PLCB4: variants seen among roughly 807,000 people sequenced by gnomAD.
PLCB4 encodes 1-phosphatidylinositol 4,5-bisphosphate phosphodiesterase beta-4.
A neutral mutation model predicts 178.8 loss-of-function variants in PLCB4; 77 were observed. The observed-to-expected ratio is 0.43, with a 90% CI of 0.36 to 0.52. The LOEUF (loss-of-function observed/expected upper bound fraction) is 0.52, where lower values mean the gene tolerates loss of function less well. Among genes scored for constraint, PLCB4 ranks in the 20% least tolerant of loss-of-function variants. The pLI is 0.00. For synonymous variants in PLCB4, 496 were observed against 490.8 expected (o/e 1.01, Z -0.14); for missense variants, 1,024 against 1,453.4 (o/e 0.70, Z 4.80).
intron 2 of PLCB4, among the ~76,000 whole-genome samples, chr20:9,211,161 C>T (rs1020342137): frequency 6.6e-6 from 1 of 152,152 alleles, no homozygotes; most frequent in African/African-American, 2.4e-5. Flanking sequence ...GCATTGATCC[C>T]TTCTGTGTTG....
chr20:9,224,751 G>A (rs559157659), intron 3 of PLCB4, among the ~76,000 whole-genome samples: 1 of 152,298 alleles, frequency 6.6e-6, no homozygotes, highest in East Asian at 1.9e-4. Context: ...AAGGTGATTA[G>A]AAGGAAAGGG....
At chr20:9,197,722 T>C (rs1413720049) in intron 2 of PLCB4, among the ~76,000 whole-genome samples, 1 of 152,218 alleles carries the variant, frequency 6.6e-6, no homozygotes, top group African/African-American at 2.4e-5. Context: ...ATGCCTGTAA[T>C]CCCAGCACTT....
intron 33 of PLCB4, among the ~76,000 whole-genome samples, chr20:9,453,860 C>A (rs1476121527): frequency 6.6e-6 from 1 of 152,110 alleles, no homozygotes; most frequent in African/African-American, 2.4e-5. Context: ...CCCTTATGCC[C>A]TTAACTCACT....
At chr20:9,162,232 G>T (rs2092900514) in intron 2 of PLCB4, among the ~76,000 whole-genome samples, 1 of 152,166 alleles carries the variant, frequency 6.6e-6, no homozygotes, top group African/African-American at 2.4e-5. Context: ...AGCATCCTGG[G>T]TTGTCAGCTT....
intron 3 of PLCB4, among the ~76,000 whole-genome samples, chr20:9,297,650 T>C (rs563902805): frequency 2.0e-5 from 3 of 152,068 alleles, no homozygotes; most frequent in East Asian, 3.9e-4. Context: ...AGGCCCCACT[T>C]CTGCCACTGA....
intron 28 of PLCB4, among the ~76,000 whole-genome samples, chr20:9,425,982 T>A (rs2040975519): frequency 6.6e-6 from 1 of 152,158 alleles, no homozygotes; most frequent in Non-Finnish European, 1.5e-5. Flanking sequence ...TCTCAGTGTG[T>A]TTATGTGCTG....
intron 13 of PLCB4, among the ~76,000 whole-genome samples, chr20:9,382,120 G>A (rs143367950): frequency 6.6e-5 from 10 of 152,166 alleles, no homozygotes; most frequent in East Asian, 5.8e-4. Context: ...AAATAGTACC[G>A]TTATTTACCC....
intron 4 of PLCB4, among the ~76,000 whole-genome samples, chr20:9,334,413 T>A (rs962355725): frequency 3.3e-5 from 5 of 152,096 alleles, no homozygotes; most frequent in African/African-American, 1.2e-4. Context: ...CTGAAGAGGA[T>A]CAGGGACATG....
chr20:9,103,621 T>G (rs953331056), intron 2 of PLCB4, among the ~76,000 whole-genome samples: 1 of 152,172 alleles, frequency 6.6e-6, no homozygotes, highest in Non-Finnish European at 1.5e-5. Context: ...AATTTTGACC[T>G]TTCAGAACCC....
intron 2 of PLCB4, among the ~76,000 whole-genome samples, chr20:9,119,189 A>T (rs566208794): frequency 6.6e-6 from 1 of 152,200 alleles, no homozygotes; most frequent in Non-Finnish European, 1.5e-5. Flanking sequence ...CACTATTTTA[A>T]TGTGTATTTC....
intron 2 of PLCB4, among the ~76,000 whole-genome samples, chr20:9,130,662 G>T (rs1180905497): frequency 6.6e-6 from 1 of 152,136 alleles, no homozygotes; most frequent in African/African-American, 2.4e-5. Context: ...CTTAAGTTAG[G>T]AACAAACTTA....
intron 3 of PLCB4, among the ~76,000 whole-genome samples, chr20:9,307,494 TACACACACACACACACACACACACACAC>T (rs745918024): frequency 1.4e-5 from 2 of 138,096 alleles, no homozygotes; most frequent in Non-Finnish European, 3.1e-5. Flanking sequence ...AAAAAAAGAA[TACACACACACACACACACACACACACAC>T]ACACACACAC....
chr20:9,440,828 A>C (rs2042060820), intron 30 of PLCB4, among the ~76,000 whole-genome samples: 2 of 152,170 alleles, frequency 1.3e-5, no homozygotes, highest in Non-Finnish European at 2.9e-5. Context: ...GGAAAGGAAA[A>C]GGTTAAAGGG....
intron 9 of PLCB4, among the ~76,000 whole-genome samples, chr20:9,368,255 A>G (rs1244996778): frequency 1.3e-5 from 2 of 152,202 alleles, no homozygotes; most frequent in Non-Finnish European, 2.9e-5. Context: ...TAACACATGA[A>G]GAAAGTCTTA....
At chr20:9,211,011 G>T (rs1036526951) in intron 2 of PLCB4, among the ~76,000 whole-genome samples, 6 of 152,200 alleles carry the variant, frequency 3.9e-5, no homozygotes, top group Non-Finnish European at 7.3e-5. Context: ...TTGTTTCTAA[G>T]ATTTGATTAC....
intron 36 of PLCB4, among the ~76,000 whole-genome samples, chr20:9,470,997 T>G (rs2044154014): frequency 6.6e-6 from 1 of 152,206 alleles, no homozygotes; most frequent in Non-Finnish European, 1.5e-5. Flanking sequence ...GAAATAAAAT[T>G]TAAAAATTTG....
intron 1 of PLCB4, among the ~76,000 whole-genome samples, chr20:9,076,136 C>T (rs1434086667): frequency 6.6e-6 from 1 of 152,052 alleles, no homozygotes; most frequent in African/African-American, 2.4e-5. Context: ...GGGGGAAGGG[C>T]ATGTTTTTTC....
chr20:9,172,474 A>G lies in PLCB4; in HGVS notation c.-78-44916A>G, dbSNP rs1286054126. On this transcript the variant is annotated intron_variant, in intron 2 of 39. Coordinates refer to ENST00000378473, the MANE Select transcript of PLCB4 (RefSeq NM_001377142.1). ...TCCTGAGTGCATATTGCATTGGCTTATAAACCTTTTGGTGTTACTCTCCTG... is the reference window on the plus strand; with the variant it reads ...TCCTGAGTGCATATTGCATTGGCTTGTAAACCTTTTGGTGTTACTCTCCTG... Among the ~76,000 whole-genome samples the G allele has an allele frequency of 2.6e-5, 4 of 152,204 alleles. No individual in the cohort carries two copies. The South Asian group carries it at 6.2e-4, about 24-fold the overall frequency.
intron 3 of PLCB4, among the ~76,000 whole-genome samples, chr20:9,260,949 A>G (rs2060059777): frequency 6.6e-6 from 1 of 152,162 alleles, no homozygotes; most frequent in African/African-American, 2.4e-5. Flanking sequence ...GTTGCATGAA[A>G]GTATTAAAGC....
Sources: gnomAD v4.1 joint callset for allele counts (sites outside exome capture counted in the v4.1 genomes callset) on GRCh38, gnomAD v4.1.1 for gene constraint, MANE v1.5 for transcripts, NCBI Gene and HGNC (gene_info 2026-07-23, HGNC 2026-07-21) for gene names.